The following GRHL1 variants were observed in gnomAD, a reference collection of about 807,000 sequenced individuals.
The protein encoded by GRHL1 is grainyhead-like protein 1 homolog.
Under a neutral mutation model 75.7 loss-of-function variants are expected in GRHL1, and 38 were observed. That is an observed-to-expected ratio of 0.50 (90% CI 0.39 to 0.66). The LOEUF (loss-of-function observed/expected upper bound fraction) is 0.66, where lower values mean the gene tolerates loss of function less well. Ranked by LOEUF, GRHL1 falls within the 30% of genes least tolerant of loss-of-function variation. The pLI, the probability that GRHL1 is intolerant of heterozygous loss-of-function variation, is 0.00. For synonymous variants in GRHL1, 266 were observed against 279.4 expected, an observed-to-expected ratio of 0.95 and a Z score of 0.48; for missense variants, 589 against 767.5, an observed-to-expected ratio of 0.77 and a Z score of 2.75.
intron 3 of GRHL1, 97 bp from the exon 4 acceptor site, chr2:9,960,949 T>C: frequency 2.3e-6 from 2 of 863,652 alleles, no homozygotes; most frequent in South Asian, 1.8e-5. Flanking sequence ...TCAAGTGTTA[T>C]TGCACAGGAC....
rs143372283 is a variant in GRHL1 at position 9,997,919 on chromosome 2, A to G, written c.1678-1046A>G. Among the ~76,000 whole-genome samples the G allele has an allele frequency of 5.5e-3, 838 of 152,326 alleles. 11 individuals carry two copies. The highest frequency in any genetic ancestry group is 0.019 in the African/African-American group (787 of 41,566). Reference sequence around the variant, plus strand: ...GAGGATGCAGAATTACTGGGCCAGCATAACTGTTCATGGCTCACGAGGAAC... The same window carrying G: ...GAGGATGCAGAATTACTGGGCCAGCGTAACTGTTCATGGCTCACGAGGAAC... On this transcript the variant is annotated intron_variant, in intron 14 of 15. Transcript: ENST00000324907.
chr2:9,954,025 G>A (rs1666908981), intron 1 of GRHL1, among the ~76,000 whole-genome samples: 1 of 152,188 alleles, frequency 6.6e-6, no homozygotes, highest in Non-Finnish European at 1.5e-5. Context: ...TTTGGAATTA[G>A]TAATGTTTGC....
At chr2:9,957,002 C>CT (rs764835142) in intron 2 of GRHL1, among the ~76,000 whole-genome samples, 2,995 of 113,812 alleles carry the variant, frequency 0.026, 46 homozygotes, top group Non-Finnish European at 0.033. Context: ...TCTTCTTCTT[C>CT]TTTTTTTTTT....
chr2:9,989,175 GA>G lies in GRHL1; in HGVS notation c.1270-1519del, dbSNP rs543218708. Among the ~76,000 whole-genome samples the G allele has an allele frequency of 2.0e-5, 3 of 152,270 alleles. No homozygotes were observed. In the South Asian group the frequency reaches 6.2e-4, roughly 32 times the overall value. ...ATGCTACCACCTTCTAGAAAAGGCA[GA>G]AGGTGGTTTTATATTCTGTTTTTAA... On this transcript the variant is annotated intron_variant, in intron 9 of 15. Transcript: ENST00000324907.
At position 9,987,487 on chromosome 2, in the gene GRHL1, G is replaced by A. The variant is rs765262332; in HGVS notation, c.1269+1205G>A. On this transcript the variant is annotated intron_variant, in intron 9 of 15. Transcript: ENST00000324907. The surrounding 1 kb of genome is among the most constrained non-coding windows in gnomAD (Gnocchi z 4.2). The stretch of plus-strand genomic sequence containing the variant: ...CGGGAGCTCTTCCTTAGCTGTGTCC[G>A]AGTGGCTGAATCACAAAGTGCTGTG... Among the ~76,000 whole-genome samples the A allele has an allele frequency of 2.6e-5, 4 of 152,262 alleles. No homozygotes were observed. The highest frequency in any genetic ancestry group is 6.5e-5 in the Admixed American group (1 of 15,298).
rs762794737 is a variant in GRHL1, at chr2:9,986,595, T to C, written c.1269+313T>C. Among the ~76,000 whole-genome samples the C allele has an allele frequency of 3.1e-3, 469 of 151,948 alleles. 3 individuals carry two copies. Among genetic ancestry groups the C allele is most frequent in the Non-Finnish European group, 2.9e-3 (194 of 67,946 alleles). ...CCACGGCCGGCTAGTTTTTTGTATT[T>C]TTAGTAGAGACAGGGTTTCGCCATG... On this transcript the variant is annotated intron_variant, in intron 9 of 15. Coordinates refer to ENST00000324907, the MANE Select transcript of GRHL1 (RefSeq NM_198182.3).
At chr2:9,970,203 A>C (rs1025956799) in intron 8 of GRHL1, among the ~76,000 whole-genome samples, 1 of 152,226 alleles carries the variant, frequency 6.6e-6, no homozygotes, top group Non-Finnish European at 1.5e-5. Context: ...AGGTTTTTCC[A>C]GTGGTAACAT....
chr2:9,982,469 G>A (rs2125232495), intron 8 of GRHL1, among the ~76,000 whole-genome samples: 1 of 152,340 alleles, frequency 6.6e-6, no homozygotes, highest in African/African-American at 2.4e-5. Flanking sequence ...GGTGTAGCCA[G>A]GACATCTGAC....
chr2:9,998,721 CACATATATACGT>C (rs1669077513), intron 14 of GRHL1, among the ~76,000 whole-genome samples: 1 of 54,198 alleles, frequency 1.8e-5, no homozygotes, highest in African/African-American at 1.2e-4. Context: ...TATATGTACA[CACATATATACGT>C]ATATATGTAC....
intron 8 of GRHL1, among the ~76,000 whole-genome samples, chr2:9,984,638 T>C (rs1668342722): frequency 6.6e-6 from 1 of 152,184 alleles, no homozygotes; most frequent in African/African-American, 2.4e-5. Flanking sequence ...ATCTCCTGCC[T>C]TCCATTTCGA....
chr2:9,982,720 C>A (rs1439361358), intron 8 of GRHL1, among the ~76,000 whole-genome samples: 3 of 152,150 alleles, frequency 2.0e-5, no homozygotes, highest in African/African-American at 7.2e-5. Context: ...AGAGCCATTG[C>A]CGTATGAGAT....
Position 9,964,040 on chromosome 2 carries a change from C to A in GRHL1, c.901C>A (p.Arg301=). The A allele has an allele frequency of 1.2e-6, 2 of 1,612,722 alleles. No homozygotes were observed. Among genetic ancestry groups the A allele is most frequent in the South Asian group, 2.2e-5 (2 of 90,928 alleles). The change falls in exon 6 of 16, where the codon CGA becomes AGA. Residue 301 remains arginine (R), a splice_region_variant and synonymous_variant. Transcript: ENST00000324907. ...AATCCATCATCCCATCAGCAAAGTT[C>A]GAGTAAGTTCTGCTCTTAGTCCTGT... ...EGIHHPISKV[R]SVIMVVFAED...
At chr2:9,989,192 C>T (rs530006185) in intron 9 of GRHL1, among the ~76,000 whole-genome samples, 2 of 152,202 alleles carry the variant, frequency 1.3e-5, no homozygotes, top group Admixed American at 6.5e-5. Flanking sequence ...GTTTTATATT[C>T]TGTTTTTAAA....
In GRHL1 at chr2:9,968,555, G is replaced by T. The variant is rs1171661461; in HGVS notation, c.1110+3174G>T. Among the ~76,000 whole-genome samples, 2 of 152,168 alleles carry T rather than the reference G, an allele frequency of 1.3e-5. No homozygotes were observed. Among genetic ancestry groups the T allele is most frequent in the African/African-American group, 4.8e-5 (2 of 41,444 alleles). On this transcript the variant is annotated intron_variant, in intron 8 of 15. Transcript: ENST00000324907. This position sits in a 1 kb window ranked among gnomAD's most constrained non-coding sequence, Gnocchi z 4.7. Reference sequence around the variant, plus strand: ...TCTTCCTGATGCACAGCTGAGATTAGCTGCTTGAGGTAATTTTTGCAGAGA... The same window carrying T: ...TCTTCCTGATGCACAGCTGAGATTATCTGCTTGAGGTAATTTTTGCAGAGA...
intron 3 of GRHL1, 96 bp from the exon 4 acceptor site, chr2:9,960,950 T>C: frequency 1.2e-6 from 1 of 867,948 alleles, no homozygotes; most frequent in East Asian, 2.7e-5. Context: ...CAAGTGTTAT[T>C]GCACAGGACC....
At chr2:9,956,199 C>G (rs189300411) in intron 2 of GRHL1, among the ~76,000 whole-genome samples, 1 of 152,162 alleles carries the variant, frequency 6.6e-6, no homozygotes, top group South Asian at 2.1e-4. Context: ...TACCCAGAAT[C>G]GCCAGTTGCT....
At chr2:9,994,516 C>T (rs982560637) in intron 12 of GRHL1, among the ~76,000 whole-genome samples, 6 of 152,022 alleles carry the variant, frequency 3.9e-5, no homozygotes, top group African/African-American at 7.2e-5. Context: ...GGGCTTAAAC[C>T]GTCATACTGG....
Position 9,992,281 on chromosome 2 carries a change from C to G in GRHL1, c.1461+135C>G, listed in dbSNP as rs1668677740. On this transcript the variant is annotated intron_variant, in intron 11 of 15. Transcript: ENST00000324907. This position sits in a 1 kb window ranked among gnomAD's most constrained non-coding sequence, Gnocchi z 4.6. ...CAGTTAGTCAGCTCTTTGGAATATTCTGCTGGGGTGACATGATGCCCGTGC... is the reference window on the plus strand; with the variant it reads ...CAGTTAGTCAGCTCTTTGGAATATTGTGCTGGGGTGACATGATGCCCGTGC... 1 of 736,836 alleles carries G rather than the reference C, an allele frequency of 1.4e-6. No individual in the cohort carries two copies. The allele number at this position is 736,836 out of a possible 1,614,324, so 45.6% of individuals were successfully genotyped here. A position where few individuals can be genotyped will look rare whatever the true frequency, so the allele number is the denominator to read the frequency against.
At chr2:9,993,606 T>G (rs1053485406) in intron 12 of GRHL1, among the ~76,000 whole-genome samples, 1 of 152,234 alleles carries the variant, frequency 6.6e-6, no homozygotes, top group African/African-American at 2.4e-5. Context: ...TTTTTGAAGA[T>G]TACAACCAGC....
Sources: gnomAD v4.1 joint callset for allele counts (sites outside exome capture counted in the v4.1 genomes callset) on GRCh38, gnomAD v4.1.1 for gene constraint, Gnocchi (gnomAD v3.1) non-coding constraint, MANE v1.5 for transcripts, NCBI Gene and HGNC (gene_info 2026-07-23, HGNC 2026-07-21) for gene names.